F8: variants seen among roughly 807,000 people sequenced by gnomAD.
The protein encoded by F8 is antihemophilic factor.
In F8, 12 loss-of-function variants were observed where a neutral mutation model predicts 140.6. The observed-to-expected ratio is 0.09, with a 90% CI of 0.05 to 0.14. F8 has a LOEUF of 0.14. F8 is among the 10% of genes least tolerant of loss of function. The probability of loss-of-function intolerance (pLI) is 1.00; values close to 1 mark genes in which losing one functional copy is unlikely to be tolerated. For missense variants in F8, 1,354 were observed against 1,720.7 expected (o/e 0.79, Z 3.77); for synonymous variants, 585 against 614.6 (o/e 0.95, Z 0.71).
chrX:154,854,565 C>T (rs1471103413), intron 25 of F8, among the ~76,000 whole-genome samples: 3 of 107,232 alleles, frequency 2.8e-5, no homozygotes, highest in African/African-American at 1.0e-4. Flanking sequence ...ACTTGGCAGA[C>T]TCCATAATCA....
At position 154,835,927 on chromosome X, in the gene F8, A is replaced by C. The variant is rs1222574995; in HGVS notation, c.*1670T>G. 1 of 112,393 alleles carries C rather than the reference A, an allele frequency of 8.9e-6. No individual in the cohort carries two copies. The allele number at this position is 112,393 out of a possible 1,213,427, so 9.3% of individuals were successfully genotyped here. On this transcript the variant is annotated 3_prime_UTR_variant, in exon 26 of 26. Transcript: ENST00000360256. ...AAAGAATGCCAAAATAAGATTATCA[A>C]GTTAAACATAACAGGAAATAAAACC...
intron 10 of F8, among the ~76,000 whole-genome samples, chrX:154,957,421 T>G (rs374200526): frequency 9.0e-6 from 1 of 111,453 alleles, no homozygotes; most frequent in African/African-American, 3.3e-5. Flanking sequence ...GAGCTTGGCA[T>G]TGGAGTTTTA....
intron 25 of F8, among the ~76,000 whole-genome samples, chrX:154,860,045 A>G (rs781930641): frequency 1.8e-5 from 2 of 111,622 alleles, no homozygotes; most frequent in South Asian, 7.5e-4. Context: ...GAGAGGAACT[A>G]TTCCTTCCCC....
intron 25 of F8, among the ~76,000 whole-genome samples, chrX:154,850,978 T>C (rs73561493): frequency 0.13 from 14,317 of 111,858 alleles, 750 homozygotes; most frequent in Non-Finnish European, 0.15. Flanking sequence ...CAATGTTATA[T>C]AGCCATCACC....
At chrX:154,992,858 GCTAA>G (rs1251299961) in intron 4 of F8, 74 bp downstream of exon 4, 1 of 963,426 alleles carries the variant, frequency 1.0e-6, no homozygotes, top group Non-Finnish European at 1.5e-6. Flanking sequence ...GAACACAAAT[GCTAA>G]CTGTTATAGA....
chrX:154,941,097 A>C (rs781817912), intron 13 of F8, among the ~76,000 whole-genome samples: 1 of 112,246 alleles, frequency 8.9e-6, no homozygotes, highest in East Asian at 2.8e-4. Context: ...CTAGGAAGAA[A>C]CTGAATCAAC....
rs147135594 is a variant in F8 at position 154,856,553 on chromosome X, C to G, written c.6900+3879G>C. On this transcript the variant is annotated intron_variant, in intron 25 of 25. Coordinates refer to ENST00000360256, the MANE Select transcript of F8 (RefSeq NM_000132.4). Reference sequence around the variant, plus strand: ...ATAGAATGCCTACCAAATTCTTGAACTGCATAAGTGGAAAAGTTCTAGGTC... The same window carrying G: ...ATAGAATGCCTACCAAATTCTTGAAGTGCATAAGTGGAAAAGTTCTAGGTC... Among the ~76,000 whole-genome samples, 649 of 112,206 alleles carry G rather than the reference C, an allele frequency of 5.8e-3. 7 individuals are homozygous for G. The highest frequency in any genetic ancestry group is 0.02 in the African/African-American group (620 of 30,897).
chrX:154,943,284 A>C (rs1316756385), intron 13 of F8, among the ~76,000 whole-genome samples: 2 of 112,017 alleles, frequency 1.8e-5, no homozygotes, highest in Admixed American at 9.5e-5. Flanking sequence ...GTCTCAGCCC[A>C]AAATCTCCTT....
chrX:154,858,361 C>A (rs1016244650), intron 25 of F8, among the ~76,000 whole-genome samples: 2 of 112,263 alleles, frequency 1.8e-5, no homozygotes, highest in Admixed American at 9.4e-5. Flanking sequence ...AACACAGAGT[C>A]CTCAGTATGG....
At chrX:154,925,249 T>G (rs781945175) in intron 14 of F8, among the ~76,000 whole-genome samples, 20 of 112,130 alleles carry the variant, frequency 1.8e-4, no homozygotes, top group African/African-American at 6.5e-4. Flanking sequence ...TAGAAATTAA[T>G]GGAAGTGCCT....
At chrX:154,841,744 A>T (rs2072523467) in intron 25 of F8, among the ~76,000 whole-genome samples, 1 of 111,106 alleles carries the variant, frequency 9.0e-6, no homozygotes, top group Non-Finnish European at 1.9e-5. Flanking sequence ...TGTCACTGTG[A>T]TAAATTATAT....
intron 25 of F8, among the ~76,000 whole-genome samples, chrX:154,853,013 TATTTA>T (rs370800121): frequency 8.9e-5 from 10 of 112,277 alleles, no homozygotes; most frequent in African/African-American, 3.2e-4. Context: ...TTTATTTAGT[TATTTA>T]ATTTCTCTTT....
At chrX:154,862,940 T>C in intron 23 of F8, 143 bp downstream of exon 23, 1 of 585,689 alleles carries the variant, frequency 1.7e-6, no homozygotes, top group Non-Finnish European at 2.9e-6. Context: ...TTTCTGGGTT[T>C]GCCCAGGACT....
chrX:154,923,948 G>A (rs5945254), intron 14 of F8, among the ~76,000 whole-genome samples: 1,336 of 111,343 alleles, frequency 0.012, 19 homozygotes, highest in African/African-American at 0.039. Flanking sequence ...TCCAGCCTGC[G>A]TGACAGAGCA....
At chrX:154,888,406 T>A (rs1489292474) in intron 22 of F8, among the ~76,000 whole-genome samples, 2 of 73,721 alleles carry the variant, frequency 2.7e-5, no homozygotes, top group African/African-American at 1.3e-4. Flanking sequence ...TTTTTTTTTT[T>A]CCCCCCGAGA....
intron 25 of F8, among the ~76,000 whole-genome samples, chrX:154,859,366 G>A (rs1288691464): frequency 2.9e-5 from 3 of 104,769 alleles, no homozygotes; most frequent in Admixed American, 2.1e-4. Flanking sequence ...GCAGTGGTGC[G>A]ATCTCGGCTC....
At position 154,929,599 on chromosome X, in the gene F8, A is replaced by G. The variant is rs2073180800; in HGVS notation, c.4191T>C (p.His1397=). The part of the protein sequence containing the change: ...SPLSDCLTRS[H]SIPQANRSPL... ...GAGATCTATTTGCTTGAGGGATGCT[A>G]TGACTCCTCGTAAGGCAATCTGATA... is the stretch of plus-strand genomic sequence containing the variant. Residue 1397 remains histidine, a synonymous_variant, in exon 14 of 26, where the codon CAT becomes CAC. Transcript: ENST00000360256. 4 of 1,211,254 alleles carry G rather than the reference A, an allele frequency of 3.3e-6. No homozygotes were observed. Among genetic ancestry groups the G allele is most frequent in the Non-Finnish European group, 4.5e-6 (4 of 895,238 alleles).
In F8 at chrX:154,975,187, G is replaced by T. The variant is rs182876536; in HGVS notation, c.788-5635C>A. 1.6e-4 allele frequency among the ~76,000 whole-genome samples: 18 copies of T among 110,563 alleles called. No individual in the cohort carries two copies. The East Asian group carries it at 5.1e-3, about 31-fold the overall frequency. ...ATGCATCATTAGGTTGTTTATTTGA[G>T]ATTTTTTTTTGATGTAGGCATTTAT... On this transcript the variant is annotated intron_variant, in intron 6 of 25. Coordinates refer to ENST00000360256, the MANE Select transcript of F8 (RefSeq NM_000132.4).
At position 154,923,607 on chromosome X, in the gene F8, C is replaced by T. The variant is rs186919964; in HGVS notation, c.5219+4964G>A. Among the ~76,000 whole-genome samples the T allele has an allele frequency of 3.3e-3, 374 of 112,083 alleles. 2 individuals are homozygous for T. The highest frequency in any genetic ancestry group is 0.012 in the African/African-American group (357 of 30,865). On this transcript the variant is annotated intron_variant, in intron 14 of 25. Coordinates refer to ENST00000360256, the MANE Select transcript of F8 (RefSeq NM_000132.4). ...ATCCCAGTGCTTTGGGAGGCCAAGG[C>T]GGGCGGATCATAAGGTCAGGAGTTA...
Sources: allele counts gnomAD v4.1 joint callset (sites outside exome capture counted in the v4.1 genomes callset), GRCh38; gene constraint gnomAD v4.1.1; transcripts MANE v1.5; gene names NCBI Gene and HGNC (gene_info 2026-07-23, HGNC 2026-07-21).